The following IL1RAPL1 variants were observed in gnomAD, a reference collection of about 807,000 sequenced individuals.
The protein encoded by IL1RAPL1 is interleukin 1 receptor accessory protein like 1, also known as interleukin-1 receptor accessory protein-like 1.
Under a neutral mutation model 48.4 loss-of-function variants are expected in IL1RAPL1, and 3 were observed. The observed-to-expected ratio is 0.06, with a 90% CI of 0.03 to 0.16. The LOEUF (loss-of-function observed/expected upper bound fraction) is 0.16, where lower values mean the gene tolerates loss of function less well. Among genes scored for constraint, IL1RAPL1 ranks in the 10% least tolerant of loss-of-function variants. The pLI, the probability that IL1RAPL1 is intolerant of heterozygous loss-of-function variation, is 1.00. For synonymous variants in IL1RAPL1, 185 were observed against 187.7 expected (o/e 0.99, Z 0.12); for missense variants, 349 against 530.6 (o/e 0.66, Z 3.36).
At chrX:29,447,093 A>G (rs1449601711) in intron 5 of IL1RAPL1, among the ~76,000 whole-genome samples, 1 of 111,500 alleles carries the variant, frequency 9.0e-6, no homozygotes, top group Admixed American at 9.6e-5. Flanking sequence ...CTTAAAAAAC[A>G]TGATCCATCT....
intron 6 of IL1RAPL1, among the ~76,000 whole-genome samples, chrX:29,897,899 C>T (rs763991650): frequency 2.0e-4 from 22 of 111,780 alleles, no homozygotes; most frequent in African/African-American, 6.5e-4. Context: ...AGGAAGATGG[C>T]GCATGATCTG....
At chrX:28,860,440 A>T (rs1921912288) in intron 2 of IL1RAPL1, among the ~76,000 whole-genome samples, 1 of 108,927 alleles carries the variant, frequency 9.2e-6, no homozygotes, top group South Asian at 3.9e-4. Context: ...TATAATAATT[A>T]TGTATTTATT....
At chrX:29,332,629 TTTA>T (rs1161180591) in intron 3 of IL1RAPL1, among the ~76,000 whole-genome samples, 48 of 100,843 alleles carry the variant, frequency 4.8e-4, no homozygotes, top group African/African-American at 1.8e-3. Flanking sequence ...TATTTATTTA[TTTA>T]TTTATTTATT....
At chrX:29,918,912 A>ATAATAAGTAATAAT (rs1932825363) in intron 7 of IL1RAPL1, among the ~76,000 whole-genome samples, 1 of 112,437 alleles carries the variant, frequency 8.9e-6, no homozygotes. Flanking sequence ...AGTTACAACC[A>ATAATAAGTAATAAT]CATCAAAATG....
At position 29,941,774 on chromosome X, in the gene IL1RAPL1, GAGCTGA is replaced by G; in HGVS notation, c.1184_1189del (p.Ala395_Glu396del). 8.3e-7 allele frequency: 1 copy of G among 1,207,262 alleles called. No homozygotes were observed. The highest frequency in any genetic ancestry group is 1.7e-5 in the African/African-American group (1 of 57,596). On this transcript the variant is annotated inframe_deletion, in exon 9 of 11. Coordinates refer to ENST00000378993, the MANE Select transcript of IL1RAPL1 (RefSeq NM_014271.4). Reference sequence around the variant, plus strand: ...ATGCTCTTCTACAGGAATCATTTTGGAGCTGAAGAGCTCGATGGAGGTAGGATGTTA... The same window carrying G: ...ATGCTCTTCTACAGGAATCATTTTGGAGAGCTCGATGGAGGTAGGATGTTA...
At chrX:29,047,889 T>G (rs758540682) in intron 2 of IL1RAPL1, among the ~76,000 whole-genome samples, 4 of 110,878 alleles carry the variant, frequency 3.6e-5, no homozygotes, top group African/African-American at 1.3e-4. Context: ...TTAACTGAAT[T>G]GGGCACTTCC....
intron 2 of IL1RAPL1, among the ~76,000 whole-genome samples, chrX:29,166,658 G>A (rs941962419): frequency 5.4e-5 from 6 of 111,902 alleles, no homozygotes; most frequent in Non-Finnish European, 7.5e-5. Flanking sequence ...GTAACTTCCT[G>A]TTGGTCTTAA....
chrX:28,924,155 G>C (rs1923681518), intron 2 of IL1RAPL1: 1 of 111,605 alleles, frequency 9.0e-6, no homozygotes, highest in Non-Finnish European at 1.9e-5. Context: ...ACAAACAAAC[G>C]ATAATTTAAA....
intron 6 of IL1RAPL1, among the ~76,000 whole-genome samples, chrX:29,710,811 A>G (rs986184564): frequency 2.8e-5 from 3 of 107,494 alleles, no homozygotes; most frequent in African/African-American, 6.7e-5. Context: ...CAGTTTTATA[A>G]AAGAAATTTA....
chrX:29,393,261 A>G (rs113583189), intron 3 of IL1RAPL1, among the ~76,000 whole-genome samples: 10,425 of 111,130 alleles, frequency 0.094, 389 homozygotes, highest in South Asian at 0.16. Context: ...AGCTGGGACT[A>G]CAGGCGCCCG....
intron 6 of IL1RAPL1, among the ~76,000 whole-genome samples, chrX:29,824,599 G>A (rs1239727285): frequency 8.9e-6 from 1 of 112,340 alleles, no homozygotes; most frequent in Non-Finnish European, 1.9e-5. Flanking sequence ...ACATTTGAAA[G>A]CTTCTTTGTT....
intron 8 of IL1RAPL1, among the ~76,000 whole-genome samples, chrX:29,924,674 T>G (rs1932871810): frequency 8.9e-6 from 1 of 111,778 alleles, no homozygotes; most frequent in African/African-American, 3.2e-5. Flanking sequence ...TTATGTTTCC[T>G]TATATGGATT....
intron 2 of IL1RAPL1, among the ~76,000 whole-genome samples, chrX:29,230,704 A>T (rs931179789): frequency 3.6e-5 from 4 of 109,672 alleles, no homozygotes; most frequent in Non-Finnish European, 7.6e-5. Flanking sequence ...ACCACAAGTT[A>T]ATTTGATGAA....
At chrX:28,771,592 A>G (rs1472554041) in intron 1 of IL1RAPL1, among the ~76,000 whole-genome samples, 2 of 112,123 alleles carry the variant, frequency 1.8e-5, no homozygotes, top group African/African-American at 6.5e-5. Flanking sequence ...GTTAGGAACA[A>G]AGGCAGAGCC....
intron 6 of IL1RAPL1, among the ~76,000 whole-genome samples, chrX:29,792,849 A>G (rs886265517): frequency 2.7e-5 from 3 of 111,696 alleles, no homozygotes; most frequent in African/African-American, 9.7e-5. Flanking sequence ...TTTATTCACA[A>G]TCAACCCTTT....
intron 5 of IL1RAPL1, among the ~76,000 whole-genome samples, chrX:29,577,213 C>T (rs1865532686): frequency 9.0e-6 from 1 of 111,663 alleles, no homozygotes; most frequent in African/African-American, 3.3e-5. Flanking sequence ...GTCATCTTTG[C>T]ATTTTCAGTA....
rs974006823 is a variant in IL1RAPL1, at chrX:29,908,373, AAAATAT to A, written c.779-9089_779-9084del. On this transcript the variant is annotated intron_variant, in intron 6 of 10. Coordinates refer to ENST00000378993, the MANE Select transcript of IL1RAPL1 (RefSeq NM_014271.4). ...GGTAACATAGCAAGACCCCATTTCA[AAAATAT>A]ATATATATATATATATAAGCAAACT... is the stretch of plus-strand genomic sequence containing the variant. Among the ~76,000 whole-genome samples the A allele has an allele frequency of 3.4e-4, 27 of 78,915 alleles. 1 individual carries two copies. The highest frequency in any genetic ancestry group is 2.0e-3 in the African/African-American group (23 of 11,574). The allele number at this position is 78,915 out of a possible 115,157, so 68.5% of individuals were successfully genotyped here.
chrX:29,592,508 G>A (rs762198504), intron 5 of IL1RAPL1, among the ~76,000 whole-genome samples: 1 of 110,944 alleles, frequency 9.0e-6, no homozygotes, highest in African/African-American at 3.3e-5. Context: ...ATGAGGTGGG[G>A]TATATATAAA....
intron 2 of IL1RAPL1, among the ~76,000 whole-genome samples, chrX:29,261,778 G>C (rs750364275): frequency 9.0e-6 from 1 of 110,774 alleles, no homozygotes; most frequent in East Asian, 2.8e-4. Flanking sequence ...TTGTTCTTCA[G>C]GGGTCAATTT....
Sources: allele counts gnomAD v4.1 joint callset (sites outside exome capture counted in the v4.1 genomes callset), GRCh38; gene constraint gnomAD v4.1.1; transcripts MANE v1.5; gene names NCBI Gene and HGNC (gene_info 2026-07-23, HGNC 2026-07-21).